The following TTC6 variants were observed in gnomAD, a reference collection of about 807,000 sequenced individuals.
TTC6 encodes the protein tetratricopeptide repeat protein 6.
Under a neutral mutation model 210.4 loss-of-function variants are expected in TTC6, and 172 were observed. That is an observed-to-expected ratio of 0.82 (90% CI 0.72 to 0.93). The LOEUF is 0.93. Among genes scored for constraint, TTC6 ranks in the 40% least tolerant of loss-of-function variants. The pLI is 0.00. For missense variants in TTC6, 2,414 were observed against 2,318.1 expected (o/e 1.04, Z -0.85); for synonymous variants, 804 against 819.6 (o/e 0.98, Z 0.32).
chr14:37,678,705 T>C (rs1346250230), intron 1 of TTC6, among the ~76,000 whole-genome samples: 1 of 152,222 alleles, frequency 6.6e-6, no homozygotes. Flanking sequence ...GTCATCACAG[T>C]TCTGCACTGT....
chr14:37,751,804 A>G (rs949560693), intron 13 of TTC6, among the ~76,000 whole-genome samples: 1 of 150,220 alleles, frequency 6.7e-6, no homozygotes, highest in East Asian at 2.0e-4. Flanking sequence ...AGGAGATACC[A>G]GAGAATTGAG....
intron 29 of TTC6, among the ~76,000 whole-genome samples, chr14:37,832,568 A>G (rs925372829): frequency 5.3e-5 from 8 of 151,174 alleles, no homozygotes; most frequent in African/African-American, 9.7e-5. Context: ...TTCTTTATTG[A>G]CCCAATGGTT....
chr14:37,681,923 TC>T (rs1449674504), intron 2 of TTC6, among the ~76,000 whole-genome samples: 4 of 152,114 alleles, frequency 2.6e-5, no homozygotes, highest in Non-Finnish European at 5.9e-5. Context: ...TATTCAAATG[TC>T]CCCCACCCTT....
chr14:37,740,208 T>C (rs1274043120), intron 10 of TTC6, among the ~76,000 whole-genome samples: 4 of 151,918 alleles, frequency 2.6e-5, no homozygotes, highest in Admixed American at 2.0e-4. Flanking sequence ...TGTAAGCTCT[T>C]ATTTAGGAAT....
chr14:37,817,766 G>A, intron 26 of TTC6, 115 bp downstream of exon 28: 1 of 1,030,108 alleles, frequency 9.7e-7, no homozygotes, highest in Admixed American at 2.1e-5. Flanking sequence ...AATTGTGAAT[G>A]TTATAGAGTA....
intron 15 of TTC6, among the ~76,000 whole-genome samples, chr14:37,790,435 C>T (rs1255768655): frequency 7.9e-5 from 12 of 152,138 alleles, no homozygotes; most frequent in Non-Finnish European, 1.3e-4. Context: ...CTTTAATCTC[C>T]TCACCTATAC....
rs2095608515 is a variant in TTC6 at position 37,598,350 on chromosome 14, G to C, written c.-235+2342G>C. Among the ~76,000 whole-genome samples the C allele has an allele frequency of 6.6e-6, 1 of 152,146 alleles. No homozygotes were observed. The highest frequency in any genetic ancestry group is 2.4e-5 in the African/African-American group (1 of 41,434). ...GCGACAGCTTGGGGCGGTCCAGGTC[G>C]CGGGGAGGGCGGGCTCCTCAAGTGG... On this transcript the variant is annotated intron_variant, in intron 1 of 2. Transcript: ENST00000556845. The surrounding 1 kb of genome is among the most constrained non-coding windows in gnomAD (Gnocchi z 4.9).
At chr14:37,651,454 C>T (rs111504357) in intron 1 of TTC6, among the ~76,000 whole-genome samples, 1,023 of 36,840 alleles carry the variant, frequency 0.028, 70 homozygotes, top group Middle Eastern at 0.05. Context: ...TTTTTTTTTT[C>T]CATCCATGAT....
chr14:37,812,938 G>T (rs1227213865), intron 25 of TTC6, among the ~76,000 whole-genome samples: 1 of 152,088 alleles, frequency 6.6e-6, no homozygotes, highest in South Asian at 2.1e-4. Context: ...CAAAAGAAAC[G>T]GGTAGTTTAA....
At chr14:37,782,688 G>A (rs12891386) in intron 14 of TTC6, among the ~76,000 whole-genome samples, 5,061 of 152,230 alleles carry the variant, frequency 0.033, 137 homozygotes, top group Non-Finnish European at 0.051. Context: ...ATGAGAGAGG[G>A]CATCCCTGTC....
At chr14:37,653,448 T>C (rs2095716427) in intron 1 of TTC6, among the ~76,000 whole-genome samples, 1 of 152,230 alleles carries the variant, frequency 6.6e-6, no homozygotes. Flanking sequence ...TATTTTTATA[T>C]GTCTCTCCTA....
intron 14 of TTC6, among the ~76,000 whole-genome samples, chr14:37,777,364 T>G (rs2096040927): frequency 6.6e-6 from 1 of 152,078 alleles, no homozygotes; most frequent in South Asian, 2.1e-4. Context: ...GAACTCTAGA[T>G]TTTTTTACTC....
rs1331238981 is a variant in TTC6, at chr14:37,709,720, A to G, written c.1572-4935A>G. Among the ~76,000 whole-genome samples, 3 of 150,426 alleles carry G rather than the reference A, an allele frequency of 2.0e-5. No individual in the cohort carries two copies. The East Asian group carries it at 5.8e-4, about 29-fold the overall frequency. On this transcript the variant is annotated intron_variant, in intron 5 of 30. Coordinates refer to ENST00000553443, the Ensembl canonical transcript of TTC6. Reference sequence around the variant, plus strand: ...AAAAAAAAAAAAAAAAAAAAATTATATAGTTATACACTTACTCTTCTATAG... The same window carrying G: ...AAAAAAAAAAAAAAAAAAAAATTATGTAGTTATACACTTACTCTTCTATAG...
intron 7 of TTC6, among the ~76,000 whole-genome samples, chr14:37,734,669 A>T (rs2095896767): frequency 6.6e-6 from 1 of 152,102 alleles, no homozygotes; most frequent in Admixed American, 6.6e-5. Flanking sequence ...TTGCATGCAT[A>T]CCAATTTCAA....
intron 10 of TTC6, among the ~76,000 whole-genome samples, chr14:37,745,304 T>C (rs1396671158): frequency 6.6e-6 from 1 of 152,354 alleles, no homozygotes; most frequent in East Asian, 1.9e-4. Flanking sequence ...TTCTACAAGC[T>C]ATCTTTGTTT....
chr14:37,787,633 T>C, exon 15 of TTC6: 1 of 1,452,480 alleles, frequency 6.9e-7, no homozygotes, highest in Non-Finnish European at 9.1e-7. Flanking sequence ...ATTATAGTGT[T>C]TCAGGTACTT....
At chr14:37,738,849 G>T in exon 10 of TTC6, 1 of 1,534,084 alleles carries the variant, frequency 6.5e-7, no homozygotes, top group Non-Finnish European at 8.7e-7. Flanking sequence ...GATATGCAAA[G>T]CAGTATAAAA....
At chr14:37,639,955 T>A (rs1385986899) in intron 1 of TTC6, among the ~76,000 whole-genome samples, 1 of 149,070 alleles carries the variant, frequency 6.7e-6, no homozygotes, top group Non-Finnish European at 1.5e-5. Flanking sequence ...ATCTTCATTT[T>A]CTTTTATATA....
chr14:37,670,480 T>C (rs1284337347), intron 1 of TTC6, among the ~76,000 whole-genome samples: 6 of 147,668 alleles, frequency 4.1e-5, no homozygotes, highest in Non-Finnish European at 4.5e-5. Context: ...CTCACTTTTT[T>C]TTTTTTTTTT....
Sources: gnomAD v4.1 joint callset for allele counts (sites outside exome capture counted in the v4.1 genomes callset) on GRCh38, gnomAD v4.1.1 for gene constraint, Gnocchi (gnomAD v3.1) non-coding constraint, MANE v1.5 for transcripts, NCBI Gene and HGNC (gene_info 2026-07-23, HGNC 2026-07-21) for gene names.